ANKRD33B: variants seen among roughly 807,000 people sequenced by gnomAD.
The protein encoded by ANKRD33B is ankyrin repeat domain 33B, also known as ankyrin repeat domain-containing protein 33B.
Under a neutral mutation model 21.5 loss-of-function variants are expected in ANKRD33B, and 6 were observed. That is an observed-to-expected ratio of 0.28 (90% CI 0.15 to 0.55). ANKRD33B has a LOEUF of 0.55. Ranked by LOEUF, ANKRD33B falls within the 20% of genes least tolerant of loss-of-function variation. The pLI is 0.94. For missense variants in ANKRD33B, 698 were observed against 747.2 expected (o/e 0.93, Z 0.77); for synonymous variants, 347 against 342.4 (o/e 1.01, Z -0.15).
At position 10,653,614 on chromosome 5, in the gene ANKRD33B, C is replaced by G. The variant is rs553899101; in HGVS notation, c.*3501C>G. On this transcript the variant is annotated 3_prime_UTR_variant, in exon 4 of 4. Coordinates refer to ENST00000296657, the MANE Select transcript of ANKRD33B (RefSeq NM_001164440.2). ...GTAGAGGTGGACAGAAACACCCCCT[C>G]GTCTTCCTGAGCCATTTGGAAGCCC... 1 of 152,508 alleles carries G rather than the reference C, an allele frequency of 6.6e-6. No individual in the cohort carries two copies. The highest frequency in any genetic ancestry group is 2.1e-4 in the South Asian group (1 of 4,828). 9.4% of individuals were successfully genotyped at this position (152,508 alleles called of 1,614,324 possible).
intron 1 of ANKRD33B, among the ~76,000 whole-genome samples, chr5:10,565,910 G>A (rs1375825853): frequency 6.6e-6 from 1 of 152,248 alleles, no homozygotes. Flanking sequence ...CATGTGCTTT[G>A]ACTTGGGGAC....
intron 1 of ANKRD33B, among the ~76,000 whole-genome samples, chr5:10,612,728 A>G (rs140661446): frequency 6.6e-6 from 1 of 152,310 alleles, no homozygotes; most frequent in East Asian, 1.9e-4. Flanking sequence ...TCCCCAGCGC[A>G]AGATTCTTTT....
At position 10,657,190 on chromosome 5, in the gene ANKRD33B, C is replaced by T. The variant is rs971698133; in HGVS notation, c.*7077C>T. 3 of 152,378 alleles carry T rather than the reference C, an allele frequency of 2.0e-5. No individual in the cohort carries two copies. The highest frequency in any genetic ancestry group is 1.3e-4 in the Admixed American group (2 of 15,286). 9.4% of individuals were successfully genotyped at this position (152,378 alleles called of 1,614,324 possible). Reference sequence around the variant, plus strand: ...GGCCCAGAAATATGACCAGCAAGCCCGTGAGCCTTTGGGGCATCCGACTGA... The same window carrying T: ...GGCCCAGAAATATGACCAGCAAGCCTGTGAGCCTTTGGGGCATCCGACTGA... On this transcript the variant is annotated 3_prime_UTR_variant, in exon 4 of 4. Coordinates refer to ENST00000296657, the MANE Select transcript of ANKRD33B (RefSeq NM_001164440.2).
chr5:10,603,176 T>G (rs571976383), intron 1 of ANKRD33B, among the ~76,000 whole-genome samples: 2 of 152,186 alleles, frequency 1.3e-5, no homozygotes, highest in African/African-American at 4.8e-5. Flanking sequence ...CTTTCTGTCT[T>G]CTGTACAGTT....
At chr5:10,585,665 G>A (rs556337761) in intron 1 of ANKRD33B, among the ~76,000 whole-genome samples, 20 of 152,368 alleles carry the variant, frequency 1.3e-4, no homozygotes, top group African/African-American at 4.8e-4. Flanking sequence ...TGTCTGGATT[G>A]TAGCCTTGCT....
chr5:10,633,385 C>T (rs6891228), intron 2 of ANKRD33B, among the ~76,000 whole-genome samples: 39,959 of 152,228 alleles, frequency 0.26, 5,676 homozygotes, highest in Middle Eastern at 0.47. Context: ...AGGCGTGCGC[C>T]ACTGCGCCAA....
chr5:10,578,519 A>G (rs560795620), intron 1 of ANKRD33B, among the ~76,000 whole-genome samples: 35 of 152,240 alleles, frequency 2.3e-4, no homozygotes, highest in Admixed American at 5.9e-4. Context: ...ATGGGGACAC[A>G]GGACAGATAG....
At position 10,564,533 on chromosome 5, in the gene ANKRD33B, G is replaced by A; in HGVS notation, c.66G>A (p.Pro22=). The change falls in exon 1 of 4, where the codon CCG becomes CCA. Residue 22 remains proline, a synonymous_variant. Transcript: ENST00000296657. ...GGARCMTPPP[P]SPPRGAQVEE... is the part of the protein sequence containing the mutation. ...CGCGCTGCATGACCCCACCACCGCC[G>A]TCCCCACCCCGGGGCGCGCAGGTCG... 1 of 1,532,308 alleles carries A rather than the reference G, an allele frequency of 6.5e-7. No individual in the cohort carries two copies. The highest frequency in any genetic ancestry group is 8.7e-7 in the Non-Finnish European group (1 of 1,145,734). 94.9% of individuals were successfully genotyped at this position (1,532,308 alleles called of 1,614,324 possible). A position where few individuals can be genotyped will look rare whatever the true frequency, so the allele number is the denominator to read the frequency against.
Position 10,650,478 on chromosome 5 carries a change from T to G in ANKRD33B, c.*365T>G, listed in dbSNP as rs75342231. Reference sequence around the variant, plus strand: ...CAAATTTGCAACGTTTTACAAGTGATAGGGCCCCTTATATCCAAGGCAGTT... The same window carrying G: ...CAAATTTGCAACGTTTTACAAGTGAGAGGGCCCCTTATATCCAAGGCAGTT... On this transcript the variant is annotated 3_prime_UTR_variant, in exon 4 of 4. Transcript: ENST00000296657. 1 of 159,998 alleles carries G rather than the reference T, an allele frequency of 6.3e-6. No individual in the cohort carries two copies. The highest frequency in any genetic ancestry group is 1.8e-4 in the East Asian group (1 of 5,672). 9.9% of individuals were successfully genotyped at this position (159,998 alleles called of 1,614,324 possible).
chr5:10,635,912 G>A (rs1736847693), intron 2 of ANKRD33B, among the ~76,000 whole-genome samples: 1 of 152,252 alleles, frequency 6.6e-6, no homozygotes, highest in Admixed American at 6.5e-5. Flanking sequence ...CCTGCCTACT[G>A]GAGATCTCAG....
intron 1 of ANKRD33B, among the ~76,000 whole-genome samples, chr5:10,613,330 G>GC (rs1736213977): frequency 6.7e-6 from 1 of 149,188 alleles, no homozygotes; most frequent in African/African-American, 2.5e-5. Flanking sequence ...TGTTGCCCAG[G>GC]CTGGAGTGCA....
intron 1 of ANKRD33B, among the ~76,000 whole-genome samples, chr5:10,595,357 G>C (rs954036391): frequency 5.3e-5 from 8 of 152,146 alleles, no homozygotes; most frequent in Non-Finnish European, 1.0e-4. Flanking sequence ...CTGAAGTCCA[G>C]GTGACAGCAG....
chr5:10,639,702 A>C (rs1479374248), intron 3 of ANKRD33B, among the ~76,000 whole-genome samples: 1 of 28,178 alleles, frequency 3.5e-5, no homozygotes, highest in Non-Finnish European at 6.0e-5. Flanking sequence ...GGTGACGCGG[A>C]GTTGCGCGGC....
At chr5:10,641,833 A>G (rs994649766) in intron 3 of ANKRD33B, among the ~76,000 whole-genome samples, 46 of 152,248 alleles carry the variant, frequency 3.0e-4, no homozygotes, top group African/African-American at 1.0e-3. Flanking sequence ...AACGAGTCCT[A>G]TCGATTGTAC....
chr5:10,631,852 C>T (rs966622449), intron 2 of ANKRD33B, among the ~76,000 whole-genome samples: 13 of 152,190 alleles, frequency 8.5e-5, no homozygotes, highest in African/African-American at 2.4e-4. Flanking sequence ...ACCTGCCGGA[C>T]GCACTCCAAA....
At chr5:10,597,114 C>G (rs1367108392) in intron 1 of ANKRD33B, among the ~76,000 whole-genome samples, 2 of 152,176 alleles carry the variant, frequency 1.3e-5, no homozygotes, top group East Asian at 1.9e-4. Flanking sequence ...ACAAGTGACA[C>G]TATGAGGCAA....
At position 10,630,654 on chromosome 5, in the gene ANKRD33B, C is replaced by T. The variant is rs1736686984; in HGVS notation, c.497-7374C>T. On this transcript the variant is annotated intron_variant, in intron 2 of 3. Transcript: ENST00000296657. ...CCTTCGGAATGAAAACCCAAAAATG[C>T]AGGAGGAATTTTCCATTTTTCTGCT... 5.3e-5 allele frequency among the ~76,000 whole-genome samples: 8 copies of T among 152,188 alleles called. No homozygotes were observed. In the South Asian group the frequency reaches 1.7e-3, roughly 32 times the overall value.
At chr5:10,607,000 G>C (rs1401462406) in intron 1 of ANKRD33B, among the ~76,000 whole-genome samples, 2 of 151,980 alleles carry the variant, frequency 1.3e-5, no homozygotes, top group South Asian at 4.2e-4. Flanking sequence ...CAAAGTGTTG[G>C]GGTTACAGGC....
chr5:10,564,632 C>A lies in ANKRD33B; in HGVS notation c.165C>A (p.Asp55Glu). The change falls in exon 1 of 4, where the codon GAC becomes GAA. Residue 55 changes from aspartate (D) to glutamate (E), a missense_variant. Transcript: ENST00000296657. ...CAGACACCCGCAGCATCGCCTCGGA[C>A]GACTCTTTCTACCCTTTCGAGGACG... ...SLPDTRSIAS[D>E]DSFYPFEDEE... 13 of 1,535,094 alleles carry A rather than the reference C, an allele frequency of 8.5e-6. No homozygotes were observed. Among genetic ancestry groups the A allele is most frequent in the Non-Finnish European group, 1.1e-5 (13 of 1,146,680 alleles).
Sources: gnomAD v4.1 joint callset for allele counts (sites outside exome capture counted in the v4.1 genomes callset) on GRCh38, gnomAD v4.1.1 for gene constraint, MANE v1.5 for transcripts, NCBI Gene and HGNC (gene_info 2026-07-23, HGNC 2026-07-21) for gene names.